The following MZT2B variants were observed in gnomAD, a reference collection of about 807,000 sequenced individuals.
MZT2B encodes mitotic-spindle organizing protein 2B.
A neutral mutation model predicts 12.1 loss-of-function variants in MZT2B; 11 were observed. That is an observed-to-expected ratio of 0.91 (90% CI 0.57 to 1.50). The LOEUF (loss-of-function observed/expected upper bound fraction) is 1.50, where lower values mean the gene tolerates loss of function less well. Among genes scored for constraint, MZT2B ranks in the 40% most tolerant of loss-of-function variants. The pLI is 0.00. For missense variants in MZT2B, 209 were observed against 227.7 expected (o/e 0.92, Z 0.53); for synonymous variants, 85 against 109.5 (o/e 0.78, Z 1.40).
upstream of MZT2B, chr2:130,181,856 C>T: frequency 2.0e-6 from 3 of 1,535,324 alleles, no homozygotes; most frequent in Non-Finnish European, 1.8e-6. Flanking sequence ...GATTAGTGCC[C>T]CCCCCTTCCC....
At chr2:130,182,552 G>A (rs1689773030) in intron 1 of MZT2B, 75 bp from the exon 2 acceptor site, 1 of 1,564,974 alleles carries the variant, frequency 6.4e-7, no homozygotes, top group Non-Finnish European at 8.6e-7. Flanking sequence ...CCCCGCCCCC[G>A]TCCTTGTCGG....
chr2:130,183,827 A>T, intron 2 of MZT2B: 2 of 1,550,612 alleles, frequency 1.3e-6, no homozygotes, highest in Non-Finnish European at 1.7e-6. Context: ...GCCCCCCTGC[A>T]AGGCCCTCCT....
downstream of MZT2B, chr2:130,193,677 C>CT: frequency 7.1e-7 from 1 of 1,404,222 alleles, no homozygotes; most frequent in South Asian, 1.4e-5. Flanking sequence ...GCCCACATGC[C>CT]TAGCCCATGG....
chr2:130,190,751 T>TG (rs1326866877), downstream of MZT2B: 205 of 1,402,192 alleles, frequency 1.5e-4, 1 homozygote, highest in East Asian at 1.4e-3. Context: ...GTTTTTTTTT[T>TG]TTGTTTTTTT....
chr2:130,191,767 A>C, downstream of MZT2B: 1 of 1,563,668 alleles, frequency 6.4e-7, no homozygotes, highest in Non-Finnish European at 8.7e-7. Context: ...AGAATCTTTA[A>C]TTGCAAACAA....
downstream of MZT2B, among the ~76,000 whole-genome samples, chr2:130,193,621 A>T (rs2104749352): frequency 6.6e-6 from 1 of 152,162 alleles, no homozygotes; most frequent in Admixed American, 6.5e-5. Context: ...AAAAAAAAAA[A>T]AAAAAAATCA....
the MZT2B span, among the ~76,000 whole-genome samples, chr2:130,200,569 G>A: frequency 6.6e-6 from 1 of 152,166 alleles, no homozygotes; most frequent in African/African-American, 2.4e-5. Context: ...GTCTCTCTGG[G>A]CCTGATAAAT....
At chr2:130,181,654 C>T (rs1414631785), upstream of MZT2B, 28 of 1,551,438 alleles carry the variant, frequency 1.8e-5, no homozygotes, top group Non-Finnish European at 2.3e-5. Context: ...GCGCTTCCAC[C>T]TCTTTGGGCC....
the MZT2B span, among the ~76,000 whole-genome samples, chr2:130,196,529 C>T: frequency 3.0e-4 from 45 of 152,172 alleles, no homozygotes; most frequent in Non-Finnish European, 1.3e-4. Context: ...ATCCCTTTAT[C>T]GCTGTGAAAA....
chr2:130,194,973 C>A, downstream of MZT2B: 2 of 1,550,814 alleles, frequency 1.3e-6, no homozygotes, highest in Admixed American at 3.6e-5. Context: ...CCACCGCGCC[C>A]GGCCAAGATG....
the MZT2B span, chr2:130,196,391 T>A: frequency 6.2e-6 from 10 of 1,605,330 alleles, no homozygotes; most frequent in South Asian, 2.2e-5. Context: ...GGAACATAAA[T>A]GTGAACCCAT....
chr2:130,193,545 G>C (rs985985892), downstream of MZT2B, among the ~76,000 whole-genome samples: 2 of 150,486 alleles, frequency 1.3e-5, no homozygotes, highest in African/African-American at 4.9e-5. Context: ...GGAGGCAGAG[G>C]TTGCAGTTAG....
chr2:130,182,151 C>G (rs28709423), upstream of MZT2B: 28 of 1,252,080 alleles, frequency 2.2e-5, no homozygotes, highest in East Asian at 3.7e-5. Context: ...GAGGCGGCCC[C>G]GTCCCCGCGC....
chr2:130,194,381 A>G (rs774890713), downstream of MZT2B: 13 of 1,613,216 alleles, frequency 8.1e-6, no homozygotes, highest in South Asian at 1.1e-4. Context: ...GAGCCGCTCC[A>G]TGAGCAGAGA....
At position 130,186,983 on chromosome 2, in the gene MZT2B, G is replaced by A. The variant is rs951615479; in HGVS notation, c.320-3486G>A. Among the ~76,000 whole-genome samples, 2 of 124,300 alleles carry A rather than the reference G, an allele frequency of 1.6e-5. 1 individual carries two copies. Among genetic ancestry groups the A allele is most frequent in the Non-Finnish European group, 3.5e-5 (2 of 57,112 alleles). 81.5% of individuals were successfully genotyped at this position (124,300 alleles called of 152,430 possible). On this transcript the variant is annotated intron_variant, in intron 2 of 2. Coordinates refer to ENST00000281871, the MANE Select transcript of MZT2B (RefSeq NM_025029.5). ...TGTAATCCCAGCACTTTGGGAGGCT[G>A]AGGCAGGATCATCACTTGAAGCTCG...
In MZT2B at chr2:130,190,609, A is replaced by G. The variant is rs187321503; in HGVS notation, c.460A>G (p.Thr154Ala). Residue 154 changes from threonine (T) to alanine (A), a missense_variant, in exon 3 of 3, where the codon ACA becomes GCA. Thr to Ala is a moderately conservative substitution (Grantham distance 58, BLOSUM62 0). Transcript: ENST00000281871. ...PKGGGPGKSP[T>A]RGST is the part of the protein sequence containing the mutation. Reference sequence around the variant, plus strand: ...GGGGGGCGGGCCTGGGAAGAGCCCTACACGGGGCAGCACCTAGGATGGGGC... The same window carrying G: ...GGGGGGCGGGCCTGGGAAGAGCCCTGCACGGGGCAGCACCTAGGATGGGGC... The G allele has an allele frequency of 1.3e-4, 203 of 1,611,406 alleles. 1 individual carries two copies. The highest frequency in any genetic ancestry group is 7.5e-4 in the Admixed American group (45 of 59,982).
downstream of MZT2B, chr2:130,194,174 G>A (rs562742057): frequency 1.3e-5 from 21 of 1,613,722 alleles, no homozygotes; most frequent in Middle Eastern, 1.7e-4. Context: ...GTTGGTGTAC[G>A]TGGGACGTTC....
At chr2:130,190,085 C>G (rs1690203983) in intron 2 of MZT2B, among the ~76,000 whole-genome samples, 2 of 152,334 alleles carry the variant, frequency 1.3e-5, no homozygotes, top group African/African-American at 2.4e-5. Flanking sequence ...CAGCGCATCC[C>G]TGCTGCTGCC....
At chr2:130,204,197 A>G in the MZT2B span, 1 of 1,241,644 alleles carries the variant, frequency 8.1e-7, no homozygotes, top group Non-Finnish European at 1.1e-6. Flanking sequence ...GAGACATTGA[A>G]ATCCCAAGCC....
Sources: allele counts gnomAD v4.1 joint callset (sites outside exome capture counted in the v4.1 genomes callset), GRCh38; gene constraint gnomAD v4.1.1; transcripts MANE v1.5; gene names NCBI Gene and HGNC (gene_info 2026-07-23, HGNC 2026-07-21).